VCAM1: variants seen among roughly 807,000 people sequenced by gnomAD.
The protein encoded by VCAM1 is vascular cell adhesion protein 1.
In VCAM1, 41 loss-of-function variants were observed where a neutral mutation model predicts 63.8. That is an observed-to-expected ratio of 0.64 (90% CI 0.50 to 0.83). The LOEUF is 0.83. Ranked by LOEUF, VCAM1 falls within the 40% of genes least tolerant of loss-of-function variation. The pLI is 0.00. For synonymous variants in VCAM1, 338 were observed against 320.7 expected, an observed-to-expected ratio of 1.05 and a Z score of -0.58; for missense variants, 798 against 875.5, an observed-to-expected ratio of 0.91 and a Z score of 1.12.
rs1660737729 is a variant in VCAM1 at position 100,738,422 on chromosome 1, A to G, written c.*139A>G. On this transcript the variant is annotated 3_prime_UTR_variant, in exon 9 of 9. Transcript: ENST00000294728. ...TGAACTTGGAAAGAAATGCCCATCTATGTCCCTTGCTGTGAGCAAGAAGTC... is the reference window on the plus strand; with the variant it reads ...TGAACTTGGAAAGAAATGCCCATCTGTGTCCCTTGCTGTGAGCAAGAAGTC... 5.1e-6 allele frequency: 5 copies of G among 983,056 alleles called. No homozygotes were observed. Among genetic ancestry groups the G allele is most frequent in the South Asian group, 3.9e-5 (2 of 51,686 alleles). The allele number at this position is 983,056 out of a possible 1,614,324, so 60.9% of individuals were successfully genotyped here.
At position 100,720,770 on chromosome 1, in the gene VCAM1, CT is replaced by C. The variant is rs1557901037; in HGVS notation, c.340+22del. ...ATCTACTGTGAGTGCTTTAGAAAATCTTTGTTTTTCTCTCAATTTTACTTTA... is the reference window on the plus strand; with the variant it reads ...ATCTACTGTGAGTGCTTTAGAAAATCTTGTTTTTCTCTCAATTTTACTTTA... On this transcript the variant is annotated intron_variant, in intron 2 of 8. Transcript: ENST00000294728. 9 of 1,561,074 alleles carry C rather than the reference CT, an allele frequency of 5.8e-6. No individual in the cohort carries two copies. Among genetic ancestry groups the C allele is most frequent in the African/African-American group, 1.4e-5 (1 of 72,448 alleles).
At chr1:100,727,112 A>AT (rs1660191553) in intron 4 of VCAM1, among the ~76,000 whole-genome samples, 2 of 151,714 alleles carry the variant, frequency 1.3e-5, no homozygotes, top group Non-Finnish European at 2.9e-5. Context: ...TACCTAACAC[A>AT]TAATAAATGT....
Position 100,738,164 on chromosome 1 carries a change from G to A in VCAM1, c.2101G>A (p.Val701Met), listed in dbSNP as rs780986173. The A allele has an allele frequency of 8.7e-6, 14 of 1,613,510 alleles. No homozygotes were observed. The South Asian group carries it at 8.8e-5, about 10-fold the overall frequency. ...AGACTATTTTTCTCCTGAGCTTCTC[G>A]TGCTCTATTTTGCATCCTCCTTAAT... Reference protein sequence around the residue: ...NKDYFSPELLVLYFASSLIIP... With the variant: ...NKDYFSPELLMLYFASSLIIP... The change falls in exon 9 of 9, where the codon GTG (valine) becomes ATG (methionine). Residue 701 changes from valine (V) to methionine (M), a missense_variant. Val to Met is a conservative substitution (Grantham distance 21, BLOSUM62 1). Transcript: ENST00000294728.
chr1:100,737,159 G>T (rs1660683081), intron 8 of VCAM1: 2 of 152,008 alleles, frequency 1.3e-5, no homozygotes, highest in Admixed American at 6.6e-5. Context: ...ACAACTAAGT[G>T]GCAAAAGCAA....
chr1:100,723,006 T>C lies in VCAM1; in HGVS notation c.341-14T>C, dbSNP rs768861322. 4 of 1,600,546 alleles carry C rather than the reference T, an allele frequency of 2.5e-6. No individual in the cohort carries two copies. Among genetic ancestry groups the C allele is most frequent in the Admixed American group, 3.4e-5 (2 of 59,024 alleles). On this transcript the variant is annotated splice_polypyrimidine_tract_variant and intron_variant, in intron 2 of 8. Coordinates refer to ENST00000294728, the MANE Select transcript of VCAM1 (RefSeq NM_001078.4). ...AGCAAAAAGCCCATCCATGTATTTG[T>C]TTGGCCTTTTCAGCTTTTCCTAAGG... is the stretch of plus-strand genomic sequence containing the variant.
chr1:100,722,987 A>G (rs1660006831), intron 2 of VCAM1, 33 bp from the exon 3 acceptor site: 2 of 1,578,788 alleles, frequency 1.3e-6, no homozygotes, highest in East Asian at 4.5e-5. Flanking sequence ...CATTAGCAAA[A>G]AGCCCATCCA....
At chr1:100,727,551 G>A (rs1660217261) in intron 4 of VCAM1, among the ~76,000 whole-genome samples, 1 of 152,030 alleles carries the variant, frequency 6.6e-6, no homozygotes. Context: ...GCTGGGGAGA[G>A]TTGTTTTGCA....
Position 100,731,560 on chromosome 1 carries a change from C to G in VCAM1, c.1525+42C>G. ...GGTATCTACAGTTTAATACCTGTCT[C>G]TTTATCGTGTTTGCCAGGCAATAGT... On this transcript the variant is annotated intron_variant, in intron 6 of 8. Transcript: ENST00000294728. The surrounding 1 kb of genome is among the most constrained non-coding windows in gnomAD (Gnocchi z 4.2). 3 of 1,530,602 alleles carry G rather than the reference C, an allele frequency of 2.0e-6. No homozygotes were observed. The highest frequency in any genetic ancestry group is 1.8e-6 in the Non-Finnish European group (2 of 1,128,406). 94.8% of individuals were successfully genotyped at this position (1,530,602 alleles called of 1,614,324 possible).
intron 7 of VCAM1, among the ~76,000 whole-genome samples, chr1:100,733,508 G>GACAA (rs1254670610): frequency 1.3e-5 from 2 of 152,070 alleles, no homozygotes; most frequent in Non-Finnish European, 2.9e-5. Flanking sequence ...TTAAAAAACA[G>GACAA]ACAAACAAAC....
At chr1:100,724,941 A>T (rs756848231) in intron 4 of VCAM1, 51 bp downstream of exon 4, 1 of 1,590,464 alleles carries the variant, frequency 6.3e-7, no homozygotes, top group South Asian at 1.2e-5. Flanking sequence ...GTGGGATTTG[A>T]GCAATAGTCA....
At chr1:100,735,240 CAACAT>C (rs1250289674) in intron 8 of VCAM1, 1 of 153,970 alleles carries the variant, frequency 6.5e-6, no homozygotes, top group African/African-American at 2.4e-5. Context: ...TGATCCTGAA[CAACAT>C]AAAAAAATCT....
intron 8 of VCAM1, chr1:100,735,572 T>C (rs2100835814): frequency 6.6e-6 from 1 of 152,360 alleles, no homozygotes; most frequent in East Asian, 1.9e-4. Context: ...GTCTGGCACT[T>C]GGCTATTGGA....
At chr1:100,723,420 TAAAA>T in intron 3 of VCAM1, 80 bp downstream of exon 3, 1 of 1,122,976 alleles carries the variant, frequency 8.9e-7, no homozygotes, top group Non-Finnish European at 1.2e-6. Flanking sequence ...AGCAGAAAAG[TAAAA>T]AAAAAAAAAA....
chr1:100,733,225 C>T lies in VCAM1; in HGVS notation c.1792+541C>T, dbSNP rs1358846321. 2.0e-5 allele frequency among the ~76,000 whole-genome samples: 3 copies of T among 152,176 alleles called. No homozygotes were observed. In the East Asian group the frequency reaches 5.8e-4, roughly 29 times the overall value. On this transcript the variant is annotated intron_variant, in intron 7 of 8. Transcript: ENST00000294728. ...AAGTCAACAGATCTAGGCCCCTTCT[C>T]TTTAGGATGGAGACCCAAGATTGAG...
chr1:100,732,367 T>C, intron 6 of VCAM1, 51 bp from the exon 7 acceptor site: 1 of 1,487,616 alleles, frequency 6.7e-7, no homozygotes, highest in South Asian at 1.5e-5. Context: ...TAAAACTCTT[T>C]GGAACTCAGG....
intron 4 of VCAM1, among the ~76,000 whole-genome samples, 187 bp downstream of exon 4, chr1:100,725,077 T>C (rs2100825917): frequency 6.6e-6 from 1 of 152,086 alleles, no homozygotes; most frequent in South Asian, 2.1e-4. Flanking sequence ...TCCCAGAGTT[T>C]CCATGGCTCT....
Position 100,734,544 on chromosome 1 carries a change from G to A in VCAM1, c.1835G>A (p.Ser612Asn). 6.2e-7 allele frequency: 1 copy of A among 1,613,682 alleles called. No individual in the cohort carries two copies. The highest frequency in any genetic ancestry group is 1.1e-5 in the South Asian group (1 of 91,046). ...AAACTTACAGCTTTTCCTTCTGAGA[G>A]TGTCAAAGAAGGAGACACTGTCATC... ...DIKLTAFPSE[S>N]VKEGDTVIIS... is the part of the protein sequence containing the mutation. Residue 612 changes from serine (S) to asparagine (N), a missense_variant, in exon 8 of 9, where the codon AGT (serine) becomes AAT (asparagine). Transcript: ENST00000294728.
chr1:100,732,189 T>C (rs1447707338), intron 6 of VCAM1, among the ~76,000 whole-genome samples: 1 of 152,156 alleles, frequency 6.6e-6, no homozygotes, highest in Non-Finnish European at 1.5e-5. Context: ...TGCAAGGAAG[T>C]GTATACTGAA....
chr1:100,727,927 AAATAT>A (rs1157142549), intron 4 of VCAM1, among the ~76,000 whole-genome samples: 1 of 152,146 alleles, frequency 6.6e-6, no homozygotes, highest in African/African-American at 2.4e-5. Flanking sequence ...GAACCATGCA[AAATAT>A]AATATGTTTG....
Sources: allele counts gnomAD v4.1 joint callset (sites outside exome capture counted in the v4.1 genomes callset), GRCh38; gene constraint gnomAD v4.1.1; non-coding constraint Gnocchi (gnomAD v3.1); transcripts MANE v1.5; gene names NCBI Gene and HGNC (gene_info 2026-07-23, HGNC 2026-07-21).